The following SOS1 variants were observed in gnomAD, a reference collection of about 807,000 sequenced individuals.
The protein encoded by SOS1 is SOS Ras/Rac guanine nucleotide exchange factor 1, also known as son of sevenless homolog 1.
In SOS1, 25 loss-of-function variants were observed where a neutral mutation model predicts 157.6. The ratio of observed to expected loss-of-function variants is 0.16; its 90% confidence interval spans 0.12 to 0.22. The LOEUF is 0.22. SOS1 is among the 10% of genes least tolerant of loss of function. The pLI is 1.00. For synonymous variants in SOS1, 528 were observed against 534.0 expected (o/e 0.99, Z 0.16); for missense variants, 1,237 against 1,599.1 (o/e 0.77, Z 3.86).
intron 20 of SOS1, 33 bp downstream of exon 20, chr2:38,995,090 A>G: frequency 6.3e-7 from 1 of 1,596,608 alleles, no homozygotes. Context: ...GTACTAACAA[A>G]TACCTTAATG....
At chr2:39,121,713 G>A (rs890565275), upstream of SOS1, among the ~76,000 whole-genome samples, 8 of 152,276 alleles carry the variant, frequency 5.3e-5, no homozygotes, top group African/African-American at 1.9e-4. Flanking sequence ...ATCTTTTGCG[G>A]TTCTTTCGAC....
chr2:39,033,351 T>C (rs1352640543), intron 8 of SOS1, among the ~76,000 whole-genome samples: 3 of 152,112 alleles, frequency 2.0e-5, no homozygotes, highest in African/African-American at 7.2e-5. Context: ...CTTAAATCAG[T>C]AGAAATCTTA....
chr2:38,983,824 G>GTCTT lies in SOS1; in HGVS notation c.*1996_*1999dup, dbSNP rs1488811408. 3 of 152,150 alleles carry GTCTT rather than the reference G, an allele frequency of 2.0e-5. No homozygotes were observed. Among genetic ancestry groups the GTCTT allele is most frequent in the Non-Finnish European group, 4.4e-5 (3 of 68,004 alleles). 9.4% of individuals were successfully genotyped at this position (152,150 alleles called of 1,614,324 possible). Reference sequence around the variant, plus strand: ...TCACATAAATACTGTTGAATGGATGGTCTTAGGGACACTTTGCATCCAAGA... The same window carrying GTCTT: ...TCACATAAATACTGTTGAATGGATGGTCTTTCTTAGGGACACTTTGCATCCAAGA... On this transcript the variant is annotated 3_prime_UTR_variant, in exon 23 of 23. Transcript: ENST00000402219.
chr2:39,088,874 G>C (rs1329735611), intron 1 of SOS1, among the ~76,000 whole-genome samples: 1 of 151,802 alleles, frequency 6.6e-6, no homozygotes, highest in Admixed American at 6.6e-5. Context: ...TTAGTTTTTT[G>C]ATGAACTGCC....
intron 6 of SOS1, among the ~76,000 whole-genome samples, chr2:39,036,672 C>G (rs566556527): frequency 6.6e-6 from 1 of 151,944 alleles, no homozygotes; most frequent in South Asian, 2.1e-4. Flanking sequence ...CTCCCAAGTT[C>G]ACGCCATTCT....
intron 2 of SOS1, among the ~76,000 whole-genome samples, chr2:39,066,794 T>C (rs1293652192): frequency 6.6e-6 from 1 of 152,206 alleles, no homozygotes; most frequent in Non-Finnish European, 1.5e-5. Context: ...AAAATACATG[T>C]AACAACTGAA....
chr2:39,121,580 A>C (rs1235769203), upstream of SOS1, among the ~76,000 whole-genome samples: 5 of 152,174 alleles, frequency 3.3e-5, no homozygotes, highest in African/African-American at 7.2e-5. Flanking sequence ...TCATCTTTTA[A>C]ACCCACTCCA....
intron 1 of SOS1, among the ~76,000 whole-genome samples, chr2:39,068,954 C>A (rs1449335329): frequency 6.6e-6 from 1 of 151,988 alleles, no homozygotes; most frequent in East Asian, 1.9e-4. Flanking sequence ...TGAAAGTGCA[C>A]AGTACTCACT....
At chr2:39,032,969 A>G (rs1322068992) in intron 8 of SOS1, among the ~76,000 whole-genome samples, 3 of 152,076 alleles carry the variant, frequency 2.0e-5, no homozygotes, top group African/African-American at 7.2e-5. Context: ...TTCCAGATAA[A>G]TGGGAAAAAA....
In SOS1 at chr2:38,984,745, C is replaced by T. The variant is rs944845400; in HGVS notation, c.*1079G>A. 2.0e-5 allele frequency: 3 copies of T among 152,106 alleles called. No homozygotes were observed. Among genetic ancestry groups the T allele is most frequent in the Non-Finnish European group, 2.9e-5 (2 of 68,014 alleles). 9.4% of individuals were successfully genotyped at this position (152,106 alleles called of 1,614,324 possible). On this transcript the variant is annotated 3_prime_UTR_variant, in exon 23 of 23. Coordinates refer to ENST00000402219, the MANE Select transcript of SOS1 (RefSeq NM_005633.4). ...TGCCAGCCAAACAAAGTATTTGTAT[C>T]TTTATTCAATTAAATTAAAACAGAC...
At chr2:39,008,616 C>T (rs1401959728) in intron 15 of SOS1, among the ~76,000 whole-genome samples, 1 of 152,108 alleles carries the variant, frequency 6.6e-6, no homozygotes, top group Admixed American at 6.5e-5. Context: ...CTCCTGGGGT[C>T]AGAACAAGTA....
rs1668546632 is a variant in SOS1 at position 38,986,030 on chromosome 2, GAGA to G, written c.3793_3795del (p.Ser1265del). 1.2e-6 allele frequency: 2 copies of G among 1,613,982 alleles called. No individual in the cohort carries two copies. Among genetic ancestry groups the G allele is most frequent in the Non-Finnish European group, 1.7e-6 (2 of 1,179,904 alleles). ...GGCAGATGCCTTCTTGTGCCGTGAG[GAGA>G]AGGTGTTTGAGGAGGAGGTGGTGTA... On this transcript the variant is annotated inframe_deletion, in exon 23 of 23. Coordinates refer to ENST00000402219, the MANE Select transcript of SOS1 (RefSeq NM_005633.4).
intron 4 of SOS1, among the ~76,000 whole-genome samples, chr2:39,056,373 T>C (rs1299880175): frequency 2.6e-5 from 4 of 151,896 alleles, no homozygotes; most frequent in Non-Finnish European, 5.9e-5. Context: ...GCCAAGACTG[T>C]GCCACTGCAC....
chr2:39,061,249 T>TAA lies in SOS1; in HGVS notation c.214-2447_214-2446dup, dbSNP rs68086036. 1.4e-3 allele frequency among the ~76,000 whole-genome samples: 167 copies of TAA among 117,432 alleles called. 1 individual carries two copies. Among genetic ancestry groups the TAA allele is most frequent in the African/African-American group, 5.3e-3 (162 of 30,678 alleles). The allele number at this position is 117,432 out of a possible 152,430, so 77.0% of individuals were successfully genotyped here. Reference sequence around the variant, plus strand: ...ATGCATGCGGAAAGATTCGTAGGGTTAAAAAAAAAAAAAAAAAAAAAGGTG... The same window carrying TAA: ...ATGCATGCGGAAAGATTCGTAGGGTTAAAAAAAAAAAAAAAAAAAAAAAGGTG... On this transcript the variant is annotated intron_variant, in intron 2 of 22. Transcript: ENST00000402219.
At chr2:39,029,914 C>G (rs2124551340) in intron 8 of SOS1, among the ~76,000 whole-genome samples, 1 of 152,192 alleles carries the variant, frequency 6.6e-6, no homozygotes, top group East Asian at 1.9e-4. Context: ...CGCCTATAAT[C>G]CCTGTACTTT....
intron 2 of SOS1, among the ~76,000 whole-genome samples, chr2:39,063,901 C>A (rs2148133675): frequency 6.6e-6 from 1 of 151,906 alleles, no homozygotes; most frequent in East Asian, 1.9e-4. Context: ...GGCGCGATCA[C>A]AGCTTACTGC....
intron 1 of SOS1, among the ~76,000 whole-genome samples, chr2:39,093,153 T>C (rs1006867180): frequency 1.5e-4 from 23 of 152,210 alleles, no homozygotes; most frequent in African/African-American, 9.6e-5. Flanking sequence ...TCTTGAAAGA[T>C]AGGCACTATT....
chr2:38,995,683 T>C (rs531304503), intron 19 of SOS1, among the ~76,000 whole-genome samples: 44 of 152,314 alleles, frequency 2.9e-4, no homozygotes, highest in Non-Finnish European at 5.3e-4. Context: ...TAAAATGTAT[T>C]GTATATTTCC....
At position 39,007,201 on chromosome 2, in the gene SOS1, TAAAAA is replaced by T. The variant is rs727503436; in HGVS notation, c.2511-13_2511-9del. The T allele has an allele frequency of 9.7e-6, 15 of 1,541,706 alleles. No homozygotes were observed. Among genetic ancestry groups the T allele is most frequent in the Middle Eastern group, 1.7e-4 (1 of 5,880 alleles). On this transcript the variant is annotated splice_polypyrimidine_tract_variant and intron_variant, in intron 15 of 22. Transcript: ENST00000402219. ...TCAGTTTCTACAATACATCTGGGAA[TAAAAA>T]AAAAGTGAACTAAAGGTTTTAGAGT...
Sources: allele counts gnomAD v4.1 joint callset (sites outside exome capture counted in the v4.1 genomes callset), GRCh38; gene constraint gnomAD v4.1.1; transcripts MANE v1.5; gene names NCBI Gene and HGNC (gene_info 2026-07-23, HGNC 2026-07-21).